Variants in RELCH observed in about 807,000 individuals in gnomAD.
The protein encoded by RELCH is RAB11-binding protein RELCH.
A neutral mutation model predicts 150.3 loss-of-function variants in RELCH; 41 were observed. The observed-to-expected ratio is 0.27, with a 90% CI of 0.21 to 0.35. RELCH has a LOEUF of 0.35. Ranked by LOEUF, RELCH falls within the 10% of genes least tolerant of loss-of-function variation. The pLI, the probability that RELCH is intolerant of heterozygous loss-of-function variation, is 1.00. For synonymous variants in RELCH, 478 were observed against 531.8 expected, an observed-to-expected ratio of 0.90 and a Z score of 1.39; for missense variants, 1,092 against 1,467.8, an observed-to-expected ratio of 0.74 and a Z score of 4.18.
At chr18:62,221,697 T>G (rs9961141) in intron 5 of RELCH, among the ~76,000 whole-genome samples, 200 bp downstream of exon 5, 366 of 151,790 alleles carry the variant, frequency 2.4e-3, no homozygotes, top group African/African-American at 7.8e-3. Context: ...GCTTTCTACA[T>G]AAAGACTTTT....
chr18:62,285,167 T>C (rs1233505542), intron 25 of RELCH, among the ~76,000 whole-genome samples: 1 of 152,096 alleles, frequency 6.6e-6, no homozygotes, highest in Non-Finnish European at 1.5e-5. Flanking sequence ...AGGCAGAGTC[T>C]TGCTCTGTCA....
At chr18:62,285,162 G>C (rs1012306397) in intron 25 of RELCH, among the ~76,000 whole-genome samples, 39 of 152,160 alleles carry the variant, frequency 2.6e-4, no homozygotes, top group Non-Finnish European at 4.9e-4. Flanking sequence ...TTCTGAGGCA[G>C]AGTCTTGCTC....
rs148387504 is a variant in RELCH at position 62,195,280 on chromosome 18, CTGTGTG to C, written c.526+7277_526+7282del. On this transcript the variant is annotated intron_variant, in intron 1 of 28. Transcript: ENST00000644646. Reference sequence around the variant, plus strand: ...TTATTTGCTGGAATATACACACACTCTGTGTGTGTGTGTGTGTGTGTGTGTGTGTGT... The same window carrying C: ...TTATTTGCTGGAATATACACACACTCTGTGTGTGTGTGTGTGTGTGTGTGT... 1.6e-4 allele frequency among the ~76,000 whole-genome samples: 22 copies of C among 136,332 alleles called. No homozygotes were observed. In the East Asian group the frequency reaches 3.0e-3, roughly 19 times the overall value. The allele number at this position is 136,332 out of a possible 152,430, so 89.4% of individuals were successfully genotyped here.
chr18:62,213,145 C>T (rs1356147358), intron 2 of RELCH, among the ~76,000 whole-genome samples: 2 of 151,874 alleles, frequency 1.3e-5, no homozygotes, highest in Non-Finnish European at 2.9e-5. Flanking sequence ...CATTAAATAG[C>T]ACTTGTTATA....
chr18:62,189,608 T>G (rs1426939152), intron 1 of RELCH, among the ~76,000 whole-genome samples: 2 of 152,210 alleles, frequency 1.3e-5, no homozygotes, highest in African/African-American at 4.8e-5. Flanking sequence ...TACAGTGAAA[T>G]GGATTATTCC....
chr18:62,229,292 C>T (rs771752897), intron 8 of RELCH, among the ~76,000 whole-genome samples: 1 of 151,986 alleles, frequency 6.6e-6, no homozygotes. Flanking sequence ...TCCTATGGTG[C>T]ATTTTCAGCC....
intron 2 of RELCH, among the ~76,000 whole-genome samples, chr18:62,214,320 A>G (rs1024148487): frequency 1.3e-5 from 2 of 152,260 alleles, no homozygotes; most frequent in Non-Finnish European, 1.5e-5. Context: ...CATAATTCCT[A>G]TTTCCAAAAA....
In RELCH at chr18:62,227,333, T is replaced by G. The variant is rs369560994; in HGVS notation, c.903T>G (p.Pro301=). 178 of 1,611,650 alleles carry G rather than the reference T, an allele frequency of 1.1e-4. 1 individual carries two copies. The South Asian group carries it at 1.8e-3, about 17-fold the overall frequency. The part of the protein sequence containing the change: ...WDDVGLNIPK[P]PDLLQLYRDF... ...ATGTAGGATTAAACATTCCAAAACCTCCAGACTTATTGCAACTCTACCGGG... is the reference window on the plus strand; with the variant it reads ...ATGTAGGATTAAACATTCCAAAACCGCCAGACTTATTGCAACTCTACCGGG... The change falls in exon 6 of 29, where the codon CCT becomes CCG. Residue 301 remains proline, a synonymous_variant. Coordinates refer to ENST00000644646, the MANE Select transcript of RELCH (RefSeq NM_001346231.2).
Position 62,261,639 on chromosome 18 carries a change from T to G in RELCH, c.2331T>G (p.Gly777=). The G allele has an allele frequency of 6.2e-7, 1 of 1,611,340 alleles. No individual in the cohort carries two copies. The highest frequency in any genetic ancestry group is 8.5e-7 in the Non-Finnish European group (1 of 1,178,490). The change falls in exon 16 of 29, where the codon GGT becomes GGG. Residue 777 remains glycine, a synonymous_variant. Coordinates refer to ENST00000644646, the MANE Select transcript of RELCH (RefSeq NM_001346231.2). ...APFSSKAKLH[G]EVPQIEVTRF... is the part of the protein sequence containing the mutation. ...TCTCCAGCAAAGCCAAGCTTCATGG[T>G]GAAGTGCCACAGATAGAAGGTACTG... is the stretch of plus-strand genomic sequence containing the variant.
At chr18:62,236,804 G>A (rs751290337) in intron 10 of RELCH, among the ~76,000 whole-genome samples, 1 of 151,472 alleles carries the variant, frequency 6.6e-6, no homozygotes, top group Non-Finnish European at 1.5e-5. Flanking sequence ...TCTAGTCTAT[G>A]TTTCATTTAT....
intron 10 of RELCH, 66 bp from the exon 11 acceptor site, chr18:62,244,698 T>C: frequency 9.8e-7 from 1 of 1,020,890 alleles, no homozygotes; most frequent in Non-Finnish European, 1.5e-6. Flanking sequence ...AAGAATATTG[T>C]GGAGGAAAAA....
chr18:62,220,767 A>AT, intron 2 of RELCH: 1 of 416,270 alleles, frequency 2.4e-6, no homozygotes, highest in South Asian at 2.8e-5. Flanking sequence ...CATAGATTTT[A>AT]TTTTTAAATA....
chr18:62,280,787 G>A, intron 24 of RELCH, 78 bp downstream of exon 24: 1 of 962,058 alleles, frequency 1.0e-6, no homozygotes, highest in Non-Finnish European at 1.6e-6. Flanking sequence ...GTAGGCTGCA[G>A]GGAGCATCTT....
At position 62,187,376 on chromosome 18, in the gene RELCH, C is replaced by CT. The variant is rs1480957156; in HGVS notation, c.-129dup. 3.6e-6 allele frequency: 3 copies of CT among 825,326 alleles called. No homozygotes were observed. In the African/African-American group the frequency reaches 5.1e-5, roughly 14 times the overall value. The allele number at this position is 825,326 out of a possible 1,614,324, so 51.1% of individuals were successfully genotyped here. Reference sequence around the variant, plus strand: ...CTGCCTTGGAGCGTACTCCTTGTCTCTAAGTCGGGAGGCAGGACGTGGTCA... The same window carrying CT: ...CTGCCTTGGAGCGTACTCCTTGTCTCTTAAGTCGGGAGGCAGGACGTGGTCA... On this transcript the variant is annotated 5_prime_UTR_variant, in exon 1 of 29. Coordinates refer to ENST00000644646, the MANE Select transcript of RELCH (RefSeq NM_001346231.2).
intron 11 of RELCH, among the ~76,000 whole-genome samples, chr18:62,245,217 G>C (rs1055490792): frequency 6.6e-6 from 1 of 152,096 alleles, no homozygotes; most frequent in South Asian, 2.1e-4. Flanking sequence ...AACAAAAATA[G>C]CTTTCTAAAA....
chr18:62,267,432 GTA>G (rs1261389166), intron 19 of RELCH, among the ~76,000 whole-genome samples: 12 of 138,982 alleles, frequency 8.6e-5, no homozygotes, highest in African/African-American at 2.6e-4. Flanking sequence ...AGGTATATAT[GTA>G]TGTGTGTGTG....
chr18:62,294,063 T>A (rs1191766413), intron 27 of RELCH, among the ~76,000 whole-genome samples: 1 of 152,208 alleles, frequency 6.6e-6, no homozygotes, highest in Non-Finnish European at 1.5e-5. Context: ...TATTTTATTG[T>A]CCTTACTGAA....
intron 10 of RELCH, among the ~76,000 whole-genome samples, chr18:62,239,759 G>A (rs2042049355): frequency 6.6e-6 from 1 of 151,948 alleles, no homozygotes; most frequent in Non-Finnish European, 1.5e-5. Context: ...CCGTGTTAGT[G>A]CTGTTTATCA....
chr18:62,241,010 C>T lies in RELCH; in HGVS notation c.1621-3754C>T, dbSNP rs9953804. Among the ~76,000 whole-genome samples the T allele has an allele frequency of 9.0e-3, 1,372 of 152,182 alleles. 19 individuals are homozygous for T. The highest frequency in any genetic ancestry group is 0.052 in the East Asian group (267 of 5,168). ...ACACATAGCCCTCCTGTGCAAATAA[C>T]TCACAATCTTCCTGTGCAAAGCTAT... is the stretch of plus-strand genomic sequence containing the variant. On this transcript the variant is annotated intron_variant, in intron 10 of 28. Transcript: ENST00000644646.
Sources: gnomAD v4.1 joint callset for allele counts (sites outside exome capture counted in the v4.1 genomes callset) on GRCh38, gnomAD v4.1.1 for gene constraint, MANE v1.5 for transcripts, NCBI Gene and HGNC (gene_info 2026-07-23, HGNC 2026-07-21) for gene names.